CIMIP2C: variants seen among roughly 807,000 people sequenced by gnomAD.
CIMIP2C encodes the protein UPF0573 protein C2orf70.
the CIMIP2C span, chr2:26,577,410 AG>A: frequency 9.8e-7 from 1 of 1,018,858 alleles, no homozygotes; most frequent in South Asian, 1.4e-5. Flanking sequence ...GCATTAGGGG[AG>A]GTGGCCCCCA....
At chr2:26,576,577 C>T in the CIMIP2C span, among the ~76,000 whole-genome samples, 4 of 152,184 alleles carry the variant, frequency 2.6e-5, no homozygotes, top group Non-Finnish European at 5.9e-5. Flanking sequence ...GAATAACACA[C>T]GAGCAAAGGC....
the CIMIP2C span, among the ~76,000 whole-genome samples, chr2:26,575,309 T>A: frequency 6.6e-6 from 1 of 152,228 alleles, no homozygotes; most frequent in Admixed American, 6.5e-5. Context: ...CACCCATCGC[T>A]GTTCACTGAC....
At chr2:26,579,448 T>C in the CIMIP2C span, 1 of 1,612,790 alleles carries the variant, frequency 6.2e-7, no homozygotes, top group Non-Finnish European at 8.5e-7. Flanking sequence ...AGACTTTTAG[T>C]TCAGAGCAGA....
At chr2:26,574,473 C>A in the CIMIP2C span, among the ~76,000 whole-genome samples, 1 of 149,152 alleles carries the variant, frequency 6.7e-6, no homozygotes, top group East Asian at 2.0e-4. Flanking sequence ...TGGGACCAGA[C>A]TGTCAGGGAA....
At chr2:26,565,114 G>T in the CIMIP2C span, among the ~76,000 whole-genome samples, 1 of 140,328 alleles carries the variant, frequency 7.1e-6, no homozygotes, top group Admixed American at 7.6e-5. Context: ...TTTTTTAATG[G>T]AGTCTTGCTC....
At chr2:26,570,820 G>T in the CIMIP2C span, among the ~76,000 whole-genome samples, 2 of 152,270 alleles carry the variant, frequency 1.3e-5, no homozygotes, top group Admixed American at 1.3e-4. Flanking sequence ...ATTTAGACCA[G>T]GGAGGAGATT....
At chr2:26,577,153 A>T in the CIMIP2C span, among the ~76,000 whole-genome samples, 3 of 152,086 alleles carry the variant, frequency 2.0e-5, no homozygotes, top group African/African-American at 7.2e-5. Flanking sequence ...GGGGAAGGAG[A>T]GGGGGGAGGA....
At chr2:26,573,256 G>A in the CIMIP2C span, among the ~76,000 whole-genome samples, 10 of 152,308 alleles carry the variant, frequency 6.6e-5, no homozygotes, top group East Asian at 1.9e-3. Flanking sequence ...AGGAGGGAGG[G>A]AATCTGCAAT....
the CIMIP2C span, among the ~76,000 whole-genome samples, chr2:26,576,413 C>G: frequency 6.6e-6 from 1 of 152,234 alleles, no homozygotes; most frequent in Non-Finnish European, 1.5e-5. Flanking sequence ...GGACCCCCAA[C>G]TCCTGCTCAC....
the CIMIP2C span, among the ~76,000 whole-genome samples, chr2:26,566,785 T>A: frequency 6.6e-6 from 1 of 152,342 alleles, no homozygotes; most frequent in South Asian, 2.1e-4. Flanking sequence ...AGTGGCACGA[T>A]CACAGCTCAC....
the CIMIP2C span, among the ~76,000 whole-genome samples, chr2:26,570,244 G>A: frequency 8.5e-5 from 13 of 152,326 alleles, no homozygotes; most frequent in African/African-American, 2.9e-4. Context: ...GAAGAATCAC[G>A]AGAACACATC....
the CIMIP2C span, chr2:26,579,116 A>C: frequency 1.6e-6 from 1 of 642,308 alleles, no homozygotes; most frequent in Middle Eastern, 4.0e-4. Flanking sequence ...CCACTGTGCC[A>C]TTATGTAAAT....
the CIMIP2C span, chr2:26,575,945 C>A: frequency 8.7e-6 from 14 of 1,613,794 alleles, no homozygotes; most frequent in Non-Finnish European, 1.2e-5. Context: ...CTTTGGCGCT[C>A]CCTACGGCAC....
chr2:26,562,777 G>A, the CIMIP2C span: 2 of 1,165,470 alleles, frequency 1.7e-6, no homozygotes, highest in South Asian at 1.3e-5. Context: ...GGACTTTGGG[G>A]TTGAAGGAAC....
chr2:26,566,078 T>G, the CIMIP2C span, among the ~76,000 whole-genome samples: 1 of 152,340 alleles, frequency 6.6e-6, no homozygotes, highest in East Asian at 1.9e-4. Context: ...CGGATCTGGG[T>G]GGCATCCACT....
At chr2:26,564,339 C>G in the CIMIP2C span, among the ~76,000 whole-genome samples, 2 of 152,228 alleles carry the variant, frequency 1.3e-5, no homozygotes, top group Non-Finnish European at 2.9e-5. Flanking sequence ...TTCCCCAACT[C>G]TGTTTGGCAG....
chr2:26,566,868 C>A, the CIMIP2C span, among the ~76,000 whole-genome samples: 1 of 152,276 alleles, frequency 6.6e-6, no homozygotes, highest in African/African-American at 2.4e-5. Flanking sequence ...CACAGGTGTG[C>A]ACCACCATAC....
the CIMIP2C span, chr2:26,577,583 C>T: frequency 8.7e-6 from 14 of 1,613,948 alleles, no homozygotes; most frequent in Admixed American, 1.7e-5. Context: ...CCCTACTTTG[C>T]GATGCCCGTG....
chr2:26,574,094 C>A, the CIMIP2C span, among the ~76,000 whole-genome samples: 2 of 152,220 alleles, frequency 1.3e-5, no homozygotes, highest in Non-Finnish European at 2.9e-5. Context: ...CAGGGAAAGA[C>A]CCCAGAAGAG....
Sources: allele counts gnomAD v4.1 joint callset (sites outside exome capture counted in the v4.1 genomes callset), GRCh38; gene constraint gnomAD v4.1.1; transcripts MANE v1.5; gene names NCBI Gene and HGNC (gene_info 2026-07-23, HGNC 2026-07-21).